The following SGMS1 variants were observed in gnomAD, a reference collection of about 807,000 sequenced individuals.
SGMS1 encodes sphingomyelin synthase 1.
A neutral mutation model predicts 46.2 loss-of-function variants in SGMS1; 13 were observed. That is an observed-to-expected ratio of 0.28 (90% CI 0.18 to 0.45). The LOEUF (loss-of-function observed/expected upper bound fraction) is 0.45, where lower values mean the gene tolerates loss of function less well. Ranked by LOEUF, SGMS1 falls within the 20% of genes least tolerant of loss-of-function variation. SGMS1 has a pLI of 1.00. For missense variants in SGMS1, 324 were observed against 519.9 expected, an observed-to-expected ratio of 0.62 and a Z score of 3.66; for synonymous variants, 203 against 187.8, an observed-to-expected ratio of 1.08 and a Z score of -0.66.
At chr10:50,426,336 T>C (rs1203377) in intron 6 of SGMS1, among the ~76,000 whole-genome samples, 43,627 of 152,156 alleles carry the variant, frequency 0.29, 6,461 homozygotes, top group East Asian at 0.48. Flanking sequence ...CCAATATAAA[T>C]GCAATGGACA....
chr10:50,570,200 T>C (rs1006383567), intron 2 of SGMS1, among the ~76,000 whole-genome samples: 1 of 152,210 alleles, frequency 6.6e-6, no homozygotes, highest in African/African-American at 2.4e-5. Context: ...CCAGCCTTCC[T>C]TACTTGCAGA....
intron 3 of SGMS1, among the ~76,000 whole-genome samples, chr10:50,502,317 A>AAC (rs1837668737): frequency 6.6e-6 from 1 of 151,250 alleles, no homozygotes; most frequent in Non-Finnish European, 1.5e-5. Flanking sequence ...AAAAAAAAAA[A>AAC]AAAAAACCAG....
intron 6 of SGMS1, among the ~76,000 whole-genome samples, chr10:50,376,225 T>G (rs1848519848): frequency 6.6e-6 from 1 of 152,174 alleles, no homozygotes; most frequent in African/African-American, 2.4e-5. Context: ...TACACTAAAA[T>G]GCACAAAAGA....
At chr10:50,429,412 C>T (rs150905799) in intron 6 of SGMS1, among the ~76,000 whole-genome samples, 24 of 152,260 alleles carry the variant, frequency 1.6e-4, no homozygotes, top group African/African-American at 5.5e-4. Flanking sequence ...TAGTAGGCTA[C>T]ACCATCTAGA....
intron 6 of SGMS1, among the ~76,000 whole-genome samples, chr10:50,351,432 G>A (rs987306814): frequency 1.3e-5 from 2 of 152,188 alleles, no homozygotes; most frequent in African/African-American, 4.8e-5. Flanking sequence ...TGAAATGTGA[G>A]GATGTGAGAT....
chr10:50,364,665 T>A (rs1428309441), intron 6 of SGMS1, among the ~76,000 whole-genome samples: 1 of 152,192 alleles, frequency 6.6e-6, no homozygotes, highest in Non-Finnish European at 1.5e-5. Flanking sequence ...ATGAGAACAA[T>A]AACACCATAA....
At chr10:50,403,520 C>CTTCA (rs1848969795) in intron 6 of SGMS1, among the ~76,000 whole-genome samples, 1 of 152,026 alleles carries the variant, frequency 6.6e-6, no homozygotes, top group South Asian at 2.1e-4. Flanking sequence ...TCTTCTTTGT[C>CTTCA]TTCATTCATT....
At chr10:50,440,356 A>G (rs916550840) in intron 5 of SGMS1, among the ~76,000 whole-genome samples, 7 of 151,910 alleles carry the variant, frequency 4.6e-5, no homozygotes, top group African/African-American at 1.7e-4. Flanking sequence ...AGTACCAAGA[A>G]TAAATATATG....
At chr10:50,324,380 C>G (rs1847497650) in intron 8 of SGMS1, among the ~76,000 whole-genome samples, 1 of 152,194 alleles carries the variant, frequency 6.6e-6, no homozygotes, top group Non-Finnish European at 1.5e-5. Flanking sequence ...ATGGAAGATT[C>G]AGTGGCGATG....
chr10:50,530,775 G>C (rs1837946169), intron 2 of SGMS1, among the ~76,000 whole-genome samples: 1 of 152,056 alleles, frequency 6.6e-6, no homozygotes, highest in Non-Finnish European at 1.5e-5. Context: ...ATGAACCACT[G>C]CGTCCTCTTT....
At chr10:50,504,659 C>T (rs1837690046) in intron 3 of SGMS1, among the ~76,000 whole-genome samples, 1 of 152,016 alleles carries the variant, frequency 6.6e-6, no homozygotes, top group African/African-American at 2.4e-5. Flanking sequence ...TACTTGTAAC[C>T]ACTATATACA....
intron 7 of SGMS1, among the ~76,000 whole-genome samples, chr10:50,336,508 G>C (rs984101221): frequency 3.9e-5 from 6 of 152,118 alleles, no homozygotes; most frequent in Admixed American, 3.9e-4. Flanking sequence ...TGCAAAAATG[G>C]ACGGCTATCA....
At position 50,356,220 on chromosome 10, in the gene SGMS1, C is replaced by A. The variant is rs192277999; in HGVS notation, c.-231-11875G>T. On this transcript the variant is annotated intron_variant, in intron 6 of 10. Transcript: ENST00000361781. ...ATTTTGTTCTCTACTAAGAAAAATT[C>A]TTCTGCCTTGGGATGCTGTTAATCT... 7.1e-3 allele frequency among the ~76,000 whole-genome samples: 1,086 copies of A among 152,340 alleles called. 14 individuals carry two copies. Among genetic ancestry groups the A allele is most frequent in the African/African-American group, 0.025 (1,031 of 41,566 alleles).
chr10:50,439,018 G>A (rs1455234763), intron 5 of SGMS1, among the ~76,000 whole-genome samples: 1 of 152,136 alleles, frequency 6.6e-6, no homozygotes, highest in Non-Finnish European at 1.5e-5. Context: ...ACCCTATATG[G>A]CATACAATAA....
At chr10:50,502,951 T>C (rs981431320) in intron 3 of SGMS1, among the ~76,000 whole-genome samples, 3 of 152,104 alleles carry the variant, frequency 2.0e-5, no homozygotes, top group Admixed American at 6.5e-5. Flanking sequence ...CAACCCAAAA[T>C]GTAGTGAAAT....
intron 6 of SGMS1, among the ~76,000 whole-genome samples, chr10:50,413,936 G>C (rs1849134059): frequency 6.6e-6 from 1 of 152,216 alleles, no homozygotes. Flanking sequence ...TACCACATTG[G>C]TAATAGTAAA....
At chr10:50,425,629 C>G (rs1287689956) in intron 6 of SGMS1, among the ~76,000 whole-genome samples, 3 of 152,130 alleles carry the variant, frequency 2.0e-5, no homozygotes, top group Non-Finnish European at 4.4e-5. Context: ...TGAAAACCCA[C>G]CTATTGAGTA....
At chr10:50,386,120 C>A (rs1218383523) in intron 6 of SGMS1, among the ~76,000 whole-genome samples, 1 of 152,120 alleles carries the variant, frequency 6.6e-6, no homozygotes, top group Non-Finnish European at 1.5e-5. Context: ...AAATAGAAAT[C>A]TAACACTGAA....
Position 50,364,668 on chromosome 10 carries a change from C to T in SGMS1, c.-231-20323G>A, listed in dbSNP as rs192701047. ...ACTAAAGAAGTGATGAGAACAATAACACCATAAACTTTACATACATGTTAT... is the reference window on the plus strand; with the variant it reads ...ACTAAAGAAGTGATGAGAACAATAATACCATAAACTTTACATACATGTTAT... On this transcript the variant is annotated intron_variant, in intron 6 of 10. Coordinates refer to ENST00000361781, the MANE Select transcript of SGMS1 (RefSeq NM_147156.4). 6.6e-3 allele frequency among the ~76,000 whole-genome samples: 1,004 copies of T among 152,298 alleles called. 16 individuals carry two copies. Among genetic ancestry groups the T allele is most frequent in the African/African-American group, 0.022 (911 of 41,566 alleles).
Sources: allele counts gnomAD v4.1 joint callset (sites outside exome capture counted in the v4.1 genomes callset), GRCh38; gene constraint gnomAD v4.1.1; transcripts MANE v1.5; gene names NCBI Gene and HGNC (gene_info 2026-07-23, HGNC 2026-07-21).